Variants in GRIP1 observed in about 807,000 individuals in gnomAD.
GRIP1 encodes glutamate receptor-interacting protein 1.
In GRIP1, 45 loss-of-function variants were observed where a neutral mutation model predicts 129.9. The observed-to-expected ratio is 0.35, with a 90% CI of 0.27 to 0.44. The LOEUF (loss-of-function observed/expected upper bound fraction) is 0.44, where lower values mean the gene tolerates loss of function less well. Ranked by LOEUF, GRIP1 falls within the 20% of genes least tolerant of loss-of-function variation. The pLI, the probability that GRIP1 is intolerant of heterozygous loss-of-function variation, is 1.00. For missense variants in GRIP1, 1,196 were observed against 1,396.8 expected (o/e 0.86, Z 2.29); for synonymous variants, 530 against 520.8 (o/e 1.02, Z -0.24).
chr12:66,964,101 C>T (rs1442436311), intron 1 of GRIP1, among the ~76,000 whole-genome samples: 1 of 152,172 alleles, frequency 6.6e-6, no homozygotes, highest in Admixed American at 6.6e-5. Context: ...TTGCAACAAT[C>T]TCCTAACAGT....
At chr12:66,780,261 A>C (rs2038114448) in intron 1 of GRIP1, among the ~76,000 whole-genome samples, 1 of 152,206 alleles carries the variant, frequency 6.6e-6, no homozygotes, top group Non-Finnish European at 1.5e-5. Context: ...AGAGAGAAGC[A>C]AGCAGGCATC....
chr12:67,018,461 A>T (rs1357923724), intron 1 of GRIP1, among the ~76,000 whole-genome samples: 1 of 152,184 alleles, frequency 6.6e-6, no homozygotes, highest in Admixed American at 6.5e-5. Flanking sequence ...TTCCTCTTGA[A>T]TTCCGCAACA....
chr12:66,538,361 G>A (rs772153783), intron 4 of GRIP1, among the ~76,000 whole-genome samples: 4 of 151,286 alleles, frequency 2.6e-5, no homozygotes, highest in African/African-American at 4.9e-5. Flanking sequence ...CACCATGCCC[G>A]ACTAATCTTT....
chr12:66,642,853 C>G (rs1332042911), intron 1 of GRIP1, among the ~76,000 whole-genome samples: 1 of 152,018 alleles, frequency 6.6e-6, no homozygotes, highest in Non-Finnish European at 1.5e-5. Flanking sequence ...GCAGATGAAT[C>G]AATGGAACAA....
At chr12:66,993,991 C>A (rs934882951) in intron 1 of GRIP1, among the ~76,000 whole-genome samples, 1 of 151,992 alleles carries the variant, frequency 6.6e-6, no homozygotes, top group Non-Finnish European at 1.5e-5. Flanking sequence ...GGATCTATAA[C>A]AACTAAAGCA....
At chr12:66,878,778 A>T (rs2040424622) in intron 1 of GRIP1, among the ~76,000 whole-genome samples, 4 of 152,108 alleles carry the variant, frequency 2.6e-5, no homozygotes, top group Admixed American at 2.6e-4. Context: ...AATATGTTAT[A>T]GAGGAAGAAG....
chr12:66,360,438 G>A (rs1380968721), intron 23 of GRIP1, among the ~76,000 whole-genome samples: 1 of 152,092 alleles, frequency 6.6e-6, no homozygotes, highest in Non-Finnish European at 1.5e-5. Flanking sequence ...CTTTTGTGCT[G>A]ACTAGAGGAT....
intron 23 of GRIP1, among the ~76,000 whole-genome samples, chr12:66,362,798 G>C (rs1045579481): frequency 1.3e-5 from 2 of 151,810 alleles, no homozygotes; most frequent in South Asian, 4.1e-4. Context: ...TGAGAAATAA[G>C]GCACACTAGA....
At chr12:67,057,661 T>C (rs760970372) in intron 1 of GRIP1, among the ~76,000 whole-genome samples, 29 of 152,170 alleles carry the variant, frequency 1.9e-4, no homozygotes, top group Non-Finnish European at 3.2e-4. Flanking sequence ...AAAACAGGGC[T>C]ACCCTTTGGT....
chr12:66,453,290 A>G (rs1268787026), intron 11 of GRIP1, among the ~76,000 whole-genome samples: 1 of 152,236 alleles, frequency 6.6e-6, no homozygotes, highest in Non-Finnish European at 1.5e-5. Context: ...AACAAATACT[A>G]GCCTTTGAAG....
chr12:66,827,394 G>C (rs1192191483), intron 1 of GRIP1, among the ~76,000 whole-genome samples: 1 of 103,890 alleles, frequency 9.6e-6, no homozygotes, highest in Non-Finnish European at 2.1e-5. Flanking sequence ...GTGTGAGAGA[G>C]AGAGAGAGAG....
chr12:66,837,991 C>T (rs1379788678), intron 1 of GRIP1, among the ~76,000 whole-genome samples: 1 of 152,068 alleles, frequency 6.6e-6, no homozygotes, highest in African/African-American at 2.4e-5. Context: ...GTCAGGAGTT[C>T]GCGACCAGTG....
At chr12:66,424,574 T>A (rs2057919841) in intron 14 of GRIP1, among the ~76,000 whole-genome samples, 1 of 152,204 alleles carries the variant, frequency 6.6e-6, no homozygotes, top group South Asian at 2.1e-4. Context: ...TCCCCCCATT[T>A]TCCCAATACC....
intron 1 of GRIP1, among the ~76,000 whole-genome samples, chr12:66,956,053 T>C (rs1209475182): frequency 6.6e-6 from 1 of 152,230 alleles, no homozygotes; most frequent in Non-Finnish European, 1.5e-5. Context: ...CTTCCTCTAA[T>C]ATTGCCATTT....
chr12:66,897,830 C>G (rs1191925386), intron 1 of GRIP1, among the ~76,000 whole-genome samples: 1 of 152,028 alleles, frequency 6.6e-6, no homozygotes. Context: ...AGTGTGAATC[C>G]AAACACATGC....
At chr12:66,689,977 G>A (rs1041919909) in intron 1 of GRIP1, among the ~76,000 whole-genome samples, 2 of 151,898 alleles carry the variant, frequency 1.3e-5, no homozygotes, top group African/African-American at 2.4e-5. Context: ...AGAGTGCAGG[G>A]ATGTGATCAT....
At chr12:66,987,794 G>GA (rs542384350) in intron 1 of GRIP1, among the ~76,000 whole-genome samples, 21 of 152,158 alleles carry the variant, frequency 1.4e-4, no homozygotes, top group Non-Finnish European at 2.5e-4. Context: ...TAGCAAGTTA[G>GA]AAAACATCCC....
intron 1 of GRIP1, among the ~76,000 whole-genome samples, chr12:67,032,175 C>T (rs1815577094): frequency 6.6e-6 from 1 of 152,186 alleles, no homozygotes; most frequent in Admixed American, 6.6e-5. Flanking sequence ...TACTAGCCTG[C>T]AGGCTTTTTG....
chr12:67,043,865 G>T (rs1051027812), intron 1 of GRIP1, among the ~76,000 whole-genome samples: 1 of 151,770 alleles, frequency 6.6e-6, no homozygotes, highest in African/African-American at 2.4e-5. Flanking sequence ...GAAACTTGAA[G>T]TTTATTTTTT....
Sources: gnomAD v4.1 joint callset for allele counts (sites outside exome capture counted in the v4.1 genomes callset) on GRCh38, gnomAD v4.1.1 for gene constraint, MANE v1.5 for transcripts, NCBI Gene and HGNC (gene_info 2026-07-23, HGNC 2026-07-21) for gene names.